SOWAHC: variants seen among roughly 807,000 people sequenced by gnomAD.
SOWAHC encodes the protein sosondowah ankyrin repeat domain family member C, also known as ankyrin repeat domain-containing protein SOWAHC.
Under a neutral mutation model 14.4 loss-of-function variants are expected in SOWAHC, and 12 were observed. The observed-to-expected ratio is 0.83, with a 90% CI of 0.53 to 1.35. The LOEUF (loss-of-function observed/expected upper bound fraction) is 1.35, where lower values mean the gene tolerates loss of function less well. SOWAHC is among the 40% of genes most tolerant of loss of function. The probability of loss-of-function intolerance (pLI) is 0.00; values close to 1 mark genes in which losing one functional copy is unlikely to be tolerated. For missense variants in SOWAHC, 771 were observed against 752.8 expected (o/e 1.02, Z -0.28); for synonymous variants, 398 against 347.0 (o/e 1.15, Z -1.63).
Position 109,615,331 on chromosome 2 carries a change from AC to A in SOWAHC, c.843del (p.Asp281GlufsTer41). ...WMLSASDGKW[D>X]SLEGLLTCEP... ...CTCTCTGCCTCCGATGGCAAGTGGG[AC>A]AGCCTGGAGGGCTTGCTCACCTGCG... On this transcript the variant is annotated frameshift_variant, in exon 1 of 1. Coordinates refer to ENST00000356454, the MANE Select transcript of SOWAHC (RefSeq NM_023016.4). LOFTEE classifies it low-confidence loss of function (END_TRUNC). 1 of 1,611,444 alleles carries A rather than the reference AC, an allele frequency of 6.2e-7. No individual in the cohort carries two copies. Among genetic ancestry groups the A allele is most frequent in the South Asian group, 1.1e-5 (1 of 90,770 alleles).
In SOWAHC at chr2:109,615,641, G is replaced by T. The variant is rs1558940989; in HGVS notation, c.1152G>T (p.Arg384=). 1.2e-6 allele frequency: 2 copies of T among 1,613,818 alleles called. No individual in the cohort carries two copies. Among genetic ancestry groups the T allele is most frequent in the Non-Finnish European group, 1.7e-6 (2 of 1,179,726 alleles). ...AAAAGGCCTCCCAGTACCTGAGTCGGAGCATCGCCGAGGAGATCAAGAACC... is the reference window on the plus strand; with the variant it reads ...AAAAGGCCTCCCAGTACCTGAGTCGTAGCATCGCCGAGGAGATCAAGAACC... ...SGKKASQYLS[R]SIAEEIKNLV... is the part of the protein sequence containing the mutation. Residue 384 remains arginine, a synonymous_variant, in exon 1 of 1, where the codon CGG becomes CGT. Coordinates refer to ENST00000356454, the MANE Select transcript of SOWAHC (RefSeq NM_023016.4).
rs1299568746 is a variant in SOWAHC at position 109,615,952 on chromosome 2, TC to T, written c.1464del (p.Phe488LeufsTer30). 7 of 1,593,222 alleles carry T rather than the reference TC, an allele frequency of 4.4e-6. No individual in the cohort carries two copies. Among genetic ancestry groups the T allele is most frequent in the Non-Finnish European group, 6.0e-6 (7 of 1,170,532 alleles). On this transcript the variant is annotated frameshift_variant, in exon 1 of 1. Transcript: ENST00000356454. LOFTEE classifies it high-confidence loss of function. ...CAGATCGTCCACACCACACCCTCTT[TC>T]AGGGACCCAGAGCAGCCGCTGGAGG... ...RTQIVHTTPS[F>X]RDPEQPLEGR...
rs760247032 is a variant in SOWAHC, at chr2:109,615,145, G to A, written c.656G>A (p.Ser219Asn). 7 of 1,549,504 alleles carry A rather than the reference G, an allele frequency of 4.5e-6. No homozygotes were observed. The African/African-American group carries it at 9.6e-5, about 21-fold the overall frequency. Residue 219 changes from serine to asparagine, a missense_variant, in exon 1 of 1, where the codon AGC becomes AAC. Ser to Asn is a conservative substitution (Grantham distance 46). Coordinates refer to ENST00000356454, the MANE Select transcript of SOWAHC (RefSeq NM_023016.4). ...VMGSSPQLKR[S>N]VCPGGSSPGS... Reference sequence around the variant, plus strand: ...GGCAGCTCCCCGCAGCTGAAGAGGAGCGTGTGTCCCGGGGGCAGCAGCCCG... The same window carrying A: ...GGCAGCTCCCCGCAGCTGAAGAGGAACGTGTGTCCCGGGGGCAGCAGCCCG...
chr2:109,615,068 G>T lies in SOWAHC; in HGVS notation c.579G>T (p.Val193=). Reference sequence around the variant, plus strand: ...AGGCGGACAGGGGCAGCTCCCTTGTGGGGGCTACCGCACAGAGGCCGGCCC... The same window carrying T: ...AGGCGGACAGGGGCAGCTCCCTTGTTGGGGCTACCGCACAGAGGCCGGCCC... ...CEEADRGSSL[V]GATAQRPARQ... The change falls in exon 1 of 1, where the codon GTG becomes GTT. Residue 193 remains valine, a synonymous_variant. Coordinates refer to ENST00000356454, the MANE Select transcript of SOWAHC (RefSeq NM_023016.4). 2 of 1,549,394 alleles carry T rather than the reference G, an allele frequency of 1.3e-6. No individual in the cohort carries two copies. Among genetic ancestry groups the T allele is most frequent in the Non-Finnish European group, 1.7e-6 (2 of 1,146,760 alleles).
rs144056800 is a variant in SOWAHC, at chr2:109,616,779, G to A, written c.*712G>A. The A allele has an allele frequency of 1.8e-5, 3 of 167,058 alleles. No individual in the cohort carries two copies. The East Asian group carries it at 5.8e-4, about 32-fold the overall frequency. 10.3% of individuals were successfully genotyped at this position (167,058 alleles called of 1,614,324 possible). A position where few individuals can be genotyped will look rare whatever the true frequency, so the allele number is the denominator to read the frequency against. On this transcript the variant is annotated 3_prime_UTR_variant, in exon 1 of 1. Coordinates refer to ENST00000356454, the MANE Select transcript of SOWAHC (RefSeq NM_023016.4). The stretch of plus-strand genomic sequence containing the variant: ...CACCTATCTCTAACACCACTATTAA[G>A]GTACACCAGTGTTAAGGTACATTAA...
At position 109,616,262 on chromosome 2, in the gene SOWAHC, C is replaced by T; in HGVS notation, c.*195C>T. On this transcript the variant is annotated 3_prime_UTR_variant, in exon 1 of 1. Coordinates refer to ENST00000356454, the MANE Select transcript of SOWAHC (RefSeq NM_023016.4). ...TGTCTTTTTCAGAGATTCATCATACCTTGACCTGTACCTCTTCTCTGCCCT... is the reference window on the plus strand; with the variant it reads ...TGTCTTTTTCAGAGATTCATCATACTTTGACCTGTACCTCTTCTCTGCCCT... The T allele has an allele frequency of 1.2e-6, 1 of 827,988 alleles. No homozygotes were observed. Among genetic ancestry groups the T allele is most frequent in the Non-Finnish European group, 1.7e-6 (1 of 597,088 alleles). 51.3% of individuals were successfully genotyped at this position (827,988 alleles called of 1,614,324 possible). A position where few individuals can be genotyped will look rare whatever the true frequency, so the allele number is the denominator to read the frequency against.
Position 109,614,381 on chromosome 2 carries a change from GC to G in SOWAHC, c.-106del. ...CTGGCCTCAGACGCGTAGGCTGGCAGCCCGCTGAGCCCGCCAGACTCCGCCG... is the reference window on the plus strand; with the variant it reads ...CTGGCCTCAGACGCGTAGGCTGGCAGCCGCTGAGCCCGCCAGACTCCGCCG... On this transcript the variant is annotated 5_prime_UTR_variant, in exon 1 of 1. Coordinates refer to ENST00000356454, the MANE Select transcript of SOWAHC (RefSeq NM_023016.4). 3 of 891,234 alleles carry G rather than the reference GC, an allele frequency of 3.4e-6. No individual in the cohort carries two copies. The highest frequency in any genetic ancestry group is 4.4e-6 in the Non-Finnish European group (3 of 688,534). The allele number at this position is 891,234 out of a possible 1,614,324, so 55.2% of individuals were successfully genotyped here.
Position 109,615,725 on chromosome 2 carries a change from C to T in SOWAHC, c.1236C>T (p.Arg412=), listed in dbSNP as rs768815949. Residue 412 remains arginine (R), a synonymous_variant, in exon 1 of 1, where the codon CGC becomes CGT. Coordinates refer to ENST00000356454, the MANE Select transcript of SOWAHC (RefSeq NM_023016.4). ...GCGCCGCGGGTAGCGGCGGCGGGCG[C>T]TGGAGGCTTTCAAAGGTGCTTCCCT... The part of the protein sequence containing the change: ...GESAAGSGGG[R]WRLSKVLPSH... 6.2e-7 allele frequency: 1 copy of T among 1,613,900 alleles called. No individual in the cohort carries two copies. The highest frequency in any genetic ancestry group is 1.1e-5 in the South Asian group (1 of 91,084).
In SOWAHC at chr2:109,617,555, C is replaced by T. The variant is rs551599222; in HGVS notation, c.*1488C>T. On this transcript the variant is annotated 3_prime_UTR_variant, in exon 1 of 1. Transcript: ENST00000356454. Reference sequence around the variant, plus strand: ...CAAGTCCTCCTTTAGTCTTTTGGGTCGCGTAGTTGCTGAAACCTAAGTACC... The same window carrying T: ...CAAGTCCTCCTTTAGTCTTTTGGGTTGCGTAGTTGCTGAAACCTAAGTACC... 216 of 167,048 alleles carry T rather than the reference C, an allele frequency of 1.3e-3. 1 individual carries two copies. Among genetic ancestry groups the T allele is most frequent in the Non-Finnish European group, 2.3e-3 (154 of 68,104 alleles). The allele number at this position is 167,048 out of a possible 1,614,324, so 10.3% of individuals were successfully genotyped here.
rs1431373752 is a variant in SOWAHC at position 109,615,463 on chromosome 2, C to G, written c.974C>G (p.Ala325Gly). The change falls in exon 1 of 1, where the codon GCC becomes GGC. Residue 325 changes from alanine to glycine, a missense_variant. Ala to Gly is a moderately conservative substitution (Grantham distance 60). Transcript: ENST00000356454. Reference protein sequence around the residue: ...QELLAMLVNFANKHQLPVNID... With the variant: ...QELLAMLVNFGNKHQLPVNID... ...CTTCTGGCCATGCTAGTCAACTTCGCCAACAAACACCAGCTGCCGGTGAAC... is the reference window on the plus strand; with the variant it reads ...CTTCTGGCCATGCTAGTCAACTTCGGCAACAAACACCAGCTGCCGGTGAAC... The G allele has an allele frequency of 1.2e-6, 2 of 1,613,360 alleles. No individual in the cohort carries two copies. Among genetic ancestry groups the G allele is most frequent in the Non-Finnish European group, 1.7e-6 (2 of 1,180,046 alleles).
rs1268872294 is a variant in SOWAHC at position 109,615,359 on chromosome 2, G to A, written c.870G>A (p.Glu290=). The A allele has an allele frequency of 3.7e-6, 6 of 1,612,710 alleles. No homozygotes were observed. Among genetic ancestry groups the A allele is most frequent in the Admixed American group, 1.7e-5 (1 of 59,996 alleles). The change falls in exon 1 of 1, where the codon GAG becomes GAA. Residue 290 remains glutamate, a synonymous_variant. Transcript: ENST00000356454. The part of the protein sequence containing the change: ...WDSLEGLLTC[E]PGLLVKRDFI... ...GCCTGGAGGGCTTGCTCACCTGCGA[G>A]CCCGGCCTGCTGGTCAAGCGGGACT...
In SOWAHC at chr2:109,616,524, C is replaced by T; in HGVS notation, c.*457C>T. The T allele has an allele frequency of 6.0e-6, 1 of 167,364 alleles. No homozygotes were observed. 10.4% of individuals were successfully genotyped at this position (167,364 alleles called of 1,614,324 possible). Reference sequence around the variant, plus strand: ...ATTGTATTTCTAAGTGTGAAAACGACAGGCTGCCCCGTTTTTACTAATTGC... The same window carrying T: ...ATTGTATTTCTAAGTGTGAAAACGATAGGCTGCCCCGTTTTTACTAATTGC... On this transcript the variant is annotated 3_prime_UTR_variant, in exon 1 of 1. Coordinates refer to ENST00000356454, the MANE Select transcript of SOWAHC (RefSeq NM_023016.4).
In SOWAHC at chr2:109,618,685, A is replaced by G. The variant is rs1249565604; in HGVS notation, c.*2618A>G. The G allele has an allele frequency of 1.2e-5, 2 of 166,964 alleles. No homozygotes were observed. The highest frequency in any genetic ancestry group is 3.8e-4 in the East Asian group (2 of 5,200). 10.3% of individuals were successfully genotyped at this position (166,964 alleles called of 1,614,324 possible). ...ATTCATAGAGTTGTGCCTACCTTTA[A>G]TGGAAAAATACATGTCAGATACTTA... On this transcript the variant is annotated 3_prime_UTR_variant, in exon 1 of 1. Transcript: ENST00000356454.
At position 109,617,464 on chromosome 2, in the gene SOWAHC, C is replaced by T. The variant is rs1700164670; in HGVS notation, c.*1397C>T. 1 of 167,006 alleles carries T rather than the reference C, an allele frequency of 6.0e-6. No homozygotes were observed. Among genetic ancestry groups the T allele is most frequent in the South Asian group, 2.1e-4 (1 of 4,814 alleles). The allele number at this position is 167,006 out of a possible 1,614,324, so 10.3% of individuals were successfully genotyped here. On this transcript the variant is annotated 3_prime_UTR_variant, in exon 1 of 1. Coordinates refer to ENST00000356454, the MANE Select transcript of SOWAHC (RefSeq NM_023016.4). ...GCTTCATAACTACTTTAAAATTTAA[C>T]CCACAAGCATATTAAATCTGTTTGT...
chr2:109,618,964 T>A lies in SOWAHC; in HGVS notation c.*2897T>A, dbSNP rs1004565372. ...ATTGTAAAATCTGTAAAGTTTGTTT[T>A]GTGAAAATAAAATGTTCACAGTAGA... is the stretch of plus-strand genomic sequence containing the variant. On this transcript the variant is annotated 3_prime_UTR_variant, in exon 1 of 1. Coordinates refer to ENST00000356454, the MANE Select transcript of SOWAHC (RefSeq NM_023016.4). The A allele has an allele frequency of 3.0e-5, 5 of 167,134 alleles. No individual in the cohort carries two copies. The highest frequency in any genetic ancestry group is 1.2e-4 in the African/African-American group (5 of 41,470). 10.4% of individuals were successfully genotyped at this position (167,134 alleles called of 1,614,324 possible). A position where few individuals can be genotyped will look rare whatever the true frequency, so the allele number is the denominator to read the frequency against.
chr2:109,614,863 A>C lies in SOWAHC; in HGVS notation c.374A>C (p.Glu125Ala), dbSNP rs866117321. 1.7e-4 allele frequency: 244 copies of C among 1,402,302 alleles called. No individual in the cohort carries two copies. In the African/African-American group the frequency reaches 3.3e-3, roughly 19 times the overall value. 86.9% of individuals were successfully genotyped at this position (1,402,302 alleles called of 1,614,324 possible). Reference sequence around the variant, plus strand: ...CGGCTCCCCGACGCGGCGGCCCCGGAGTCGCTCCCTGGACAGGGCCGCGAG... The same window carrying C: ...CGGCTCCCCGACGCGGCGGCCCCGGCGTCGCTCCCTGGACAGGGCCGCGAG... ...RDRLPDAAAP[E>A]SLPGQGRELG... The change falls in exon 1 of 1, where the codon GAG (glutamate) becomes GCG (alanine). Residue 125 changes from glutamate (E) to alanine (A), a missense_variant. Transcript: ENST00000356454.
rs1700160665 is a variant in SOWAHC at position 109,617,028 on chromosome 2, A to T, written c.*961A>T. On this transcript the variant is annotated 3_prime_UTR_variant, in exon 1 of 1. Coordinates refer to ENST00000356454, the MANE Select transcript of SOWAHC (RefSeq NM_023016.4). ...TACCTACAGAAACTGTTTCTGGTTT[A>T]AATAATTAGCACAAATTGGCCTAAG... 6.0e-6 allele frequency: 1 copy of T among 166,998 alleles called. No individual in the cohort carries two copies. Among genetic ancestry groups the T allele is most frequent in the African/African-American group, 2.4e-5 (1 of 41,466 alleles). The allele number at this position is 166,998 out of a possible 1,614,324, so 10.3% of individuals were successfully genotyped here.
Position 109,615,317 on chromosome 2 carries a change from C to T in SOWAHC, c.828C>T (p.Ser276=), listed in dbSNP as rs1387503701. Residue 276 remains serine (S), a synonymous_variant, in exon 1 of 1, where the codon TCC becomes TCT. Transcript: ENST00000356454. ...PLEHAWMLSA[S]DGKWDSLEGL... Reference sequence around the variant, plus strand: ...AGCACGCGTGGATGCTCTCTGCCTCCGATGGCAAGTGGGACAGCCTGGAGG... The same window carrying T: ...AGCACGCGTGGATGCTCTCTGCCTCTGATGGCAAGTGGGACAGCCTGGAGG... 3.7e-6 allele frequency: 6 copies of T among 1,608,928 alleles called. No individual in the cohort carries two copies. The highest frequency in any genetic ancestry group is 2.2e-5 in the South Asian group (2 of 90,374).
rs1307374252 is a variant in SOWAHC, at chr2:109,615,259, G to A, written c.770G>A (p.Ser257Asn). ...TCGTCGTCCGCGGAGGAGGAGAGCA[G>A]CGGCGGAGGCTCCGTGACGCTGGAC... Reference protein sequence around the residue: ...VASSSAEEESSGGGSVTLDPL... With the variant: ...VASSSAEEESNGGGSVTLDPL... Residue 257 changes from serine (S) to asparagine (N), a missense_variant, in exon 1 of 1, where the codon AGC (serine) becomes AAC (asparagine). By Grantham distance (46) the Ser-to-Asn change is conservative. Coordinates refer to ENST00000356454, the MANE Select transcript of SOWAHC (RefSeq NM_023016.4). 3 of 1,562,922 alleles carry A rather than the reference G, an allele frequency of 1.9e-6. No individual in the cohort carries two copies. Among genetic ancestry groups the A allele is most frequent in the Non-Finnish European group, 2.6e-6 (3 of 1,154,934 alleles).
Sources: gnomAD v4.1 joint callset for allele counts on GRCh38, gnomAD v4.1.1 for gene constraint, MANE v1.5 for transcripts, NCBI Gene and HGNC (gene_info 2026-07-23, HGNC 2026-07-21) for gene names.